Variants in CHD9 observed in about 807,000 individuals in gnomAD.
CHD9 encodes the protein chromodomain helicase DNA binding protein 9, also known as ATP-dependent chromatin remodeler CHD9.
A neutral mutation model predicts 316.1 loss-of-function variants in CHD9; 77 were observed. The observed-to-expected ratio is 0.24, with a 90% CI of 0.20 to 0.29. The LOEUF is 0.29. Ranked by LOEUF, CHD9 falls within the 10% of genes least tolerant of loss-of-function variation. The probability of loss-of-function intolerance (pLI) is 1.00; values close to 1 mark genes in which losing one functional copy is unlikely to be tolerated. For synonymous variants in CHD9, 1,129 were observed against 1,158.3 expected (o/e 0.97, Z 0.51); for missense variants, 2,763 against 3,438.1 (o/e 0.80, Z 4.91).
intron 1 of CHD9, among the ~76,000 whole-genome samples, chr16:53,125,667 G>C (rs2038940833): frequency 6.6e-6 from 1 of 152,168 alleles, no homozygotes; most frequent in Admixed American, 6.5e-5. Context: ...TGATGGCTTA[G>C]CTTTCAGTCA....
chr16:53,279,333 G>T (rs4332741), intron 24 of CHD9, among the ~76,000 whole-genome samples: 39,377 of 151,354 alleles, frequency 0.26, 5,152 homozygotes, highest in Middle Eastern at 0.29. Context: ...ACACAGGAAG[G>T]GGAACATCAC....
chr16:53,107,475 A>G (rs551462356), intron 1 of CHD9, among the ~76,000 whole-genome samples: 78 of 142,370 alleles, frequency 5.5e-4, no homozygotes, highest in African/African-American at 2.0e-3. Context: ...AAAATAAAAT[A>G]AAATAAAATA....
intron 3 of CHD9, among the ~76,000 whole-genome samples, chr16:53,212,641 G>A (rs62048058): frequency 0.28 from 42,320 of 151,964 alleles, 5,987 homozygotes; most frequent in Middle Eastern, 0.32. Flanking sequence ...CCTTTTCGGA[G>A]CACTTTCTTA....
rs2056124129 is a variant in CHD9 at position 53,307,856 on chromosome 16, C to G, written c.6956C>G (p.Pro2319Arg). ...AGCGATCCCAGTGTACCCACTCCCC[C>G]AGGTGCCGGTGTTAAAGAAGAACAT... ...EYSDPSVPTPPGAGVKEEHDQ... is the reference protein window; with the variant it reads ...EYSDPSVPTPRGAGVKEEHDQ... Residue 2319 changes from proline to arginine, a missense_variant, in exon 33 of 39, where the codon CCA becomes CGA. Physicochemically the swap from Pro to Arg is moderately radical, Grantham distance 103. This residue lies in a region of CHD9 where 663 missense variants were observed against 751.2 expected (regional missense o/e 0.88). Coordinates refer to ENST00000447540, the MANE Select transcript of CHD9 (RefSeq NM_001308319.2). The G allele has an allele frequency of 6.2e-7, 1 of 1,613,726 alleles. No individual in the cohort carries two copies. The highest frequency in any genetic ancestry group is 8.5e-7 in the Non-Finnish European group (1 of 1,179,838).
intron 22 of CHD9, among the ~76,000 whole-genome samples, chr16:53,271,332 G>A (rs1320745762): frequency 1.3e-5 from 2 of 152,144 alleles, no homozygotes; most frequent in Non-Finnish European, 2.9e-5. Context: ...ACTTTGGGAA[G>A]CTGAGGTGGC....
At chr16:53,280,311 G>A (rs1244196587) in intron 24 of CHD9, among the ~76,000 whole-genome samples, 1 of 151,850 alleles carries the variant, frequency 6.6e-6, no homozygotes, top group Admixed American at 6.6e-5. Context: ...AGAAACTGTG[G>A]TATATATGTA....
At chr16:53,104,005 G>A (rs1408972839) in intron 1 of CHD9, among the ~76,000 whole-genome samples, 1 of 152,100 alleles carries the variant, frequency 6.6e-6, no homozygotes, top group Non-Finnish European at 1.5e-5. Context: ...TGTTATAAAC[G>A]ACTTCATTGC....
chr16:53,226,613 C>T, intron 5 of CHD9, 101 bp downstream of exon 5: 1 of 1,252,170 alleles, frequency 8.0e-7, no homozygotes, highest in East Asian at 2.6e-5. Flanking sequence ...CTAACTTATC[C>T]TTCCGGATTC....
chr16:53,280,834 C>T lies in CHD9; in HGVS notation c.4968-4762C>T, dbSNP rs117126832. Among the ~76,000 whole-genome samples the T allele has an allele frequency of 8.3e-4, 127 of 152,276 alleles. No individual in the cohort carries two copies. In the East Asian group the frequency reaches 0.022, roughly 26 times the overall value. Reference sequence around the variant, plus strand: ...CCCATTCCAATGGATCTTTCTTCTTCGGGGTCTCACTAAAGTGGTTCTTAA... The same window carrying T: ...CCCATTCCAATGGATCTTTCTTCTTTGGGGTCTCACTAAAGTGGTTCTTAA... On this transcript the variant is annotated intron_variant, in intron 24 of 38. Transcript: ENST00000447540.
intron 3 of CHD9, among the ~76,000 whole-genome samples, chr16:53,218,726 G>A (rs1279807125): frequency 6.6e-6 from 1 of 151,984 alleles, no homozygotes; most frequent in Non-Finnish European, 1.5e-5. Context: ...ATCAAACATT[G>A]AAAAAATACC....
chr16:53,081,717 A>G (rs1239777956), intron 1 of CHD9, among the ~76,000 whole-genome samples: 3 of 152,084 alleles, frequency 2.0e-5, no homozygotes, highest in Non-Finnish European at 2.9e-5. Flanking sequence ...CCTCCCAAGT[A>G]GCTGGGACTA....
intron 2 of CHD9, among the ~76,000 whole-genome samples, chr16:53,163,543 A>G (rs1047422854): frequency 6.6e-6 from 1 of 152,182 alleles, no homozygotes; most frequent in African/African-American, 2.4e-5. Context: ...CAAAATTGAG[A>G]TCATATAGTT....
intron 11 of CHD9, among the ~76,000 whole-genome samples, chr16:53,236,286 A>ATGAC (rs1567533995): frequency 6.6e-6 from 1 of 152,032 alleles, no homozygotes; most frequent in Non-Finnish European, 1.5e-5. Flanking sequence ...CTCTCTGTAT[A>ATGAC]TGACTGCTTC....
At chr16:53,092,119 C>T (rs867259866) in intron 1 of CHD9, among the ~76,000 whole-genome samples, 1 of 152,176 alleles carries the variant, frequency 6.6e-6, no homozygotes, top group South Asian at 2.1e-4. Flanking sequence ...TACTTCCCCC[C>T]CAGCTGTGGA....
At chr16:53,303,579 TG>T in intron 30 of CHD9, 140 bp from the exon 31 acceptor site, 1 of 534,282 alleles carries the variant, frequency 1.9e-6, no homozygotes, top group Non-Finnish European at 2.9e-6. Flanking sequence ...AAAGAAATTC[TG>T]GAAACTATAC....
At chr16:53,096,127 G>A (rs1433222391) in intron 1 of CHD9, among the ~76,000 whole-genome samples, 1 of 151,066 alleles carries the variant, frequency 6.6e-6, no homozygotes, top group Non-Finnish European at 1.5e-5. Context: ...GCACAATCAT[G>A]GGTCACTGCA....
intron 11 of CHD9, among the ~76,000 whole-genome samples, chr16:53,236,465 AATCACTTATCCTTCTCTTTT>A (rs1478318025): frequency 1.3e-5 from 2 of 151,994 alleles, no homozygotes; most frequent in Non-Finnish European, 2.9e-5. Flanking sequence ...GCCTTACTTC[AATCACTTATCCTTCTCTTTT>A]ATATCTCCAG....
chr16:53,314,847 C>T lies in CHD9; in HGVS notation c.7387C>T (p.Gln2463Ter). 2 of 1,612,964 alleles carry T rather than the reference C, an allele frequency of 1.2e-6. No individual in the cohort carries two copies. Among genetic ancestry groups the T allele is most frequent in the Non-Finnish European group, 1.7e-6 (2 of 1,179,430 alleles). The change falls in exon 36 of 39, where the codon CAG becomes TAG. Residue 2463 changes from glutamine to a stop codon, truncating the protein, a stop_gained. Coordinates refer to ENST00000447540, the MANE Select transcript of CHD9 (RefSeq NM_001308319.2). LOFTEE classifies it high-confidence loss of function. ...GGTTTCTTTAGGCTTAACCTCCTCA[C>T]AGATTTCCACAGGGATAAATCCAGC... Reference protein sequence around the residue: ...NHVSLGLTSSQISTGINPALS... With the variant: ...NHVSLGLTSS
rs1222583469 is a variant in CHD9, at chr16:53,064,280, AGTTTCT to A, written c.-165+9207_-165+9212del. Among the ~76,000 whole-genome samples the A allele has an allele frequency of 2.0e-5, 3 of 152,220 alleles. No homozygotes were observed. The East Asian group carries it at 5.8e-4, about 29-fold the overall frequency. On this transcript the variant is annotated intron_variant, in intron 1 of 38. Coordinates refer to ENST00000447540, the MANE Select transcript of CHD9 (RefSeq NM_001308319.2). Reference sequence around the variant, plus strand: ...TTAAACATTGCCAGTTCCTTCTACTAGTTTCTGTTGCATGTTCTTGGCCTCTTCCCC... The same window carrying A: ...TTAAACATTGCCAGTTCCTTCTACTAGTTGCATGTTCTTGGCCTCTTCCCC...
Sources: allele counts gnomAD v4.1 joint callset (sites outside exome capture counted in the v4.1 genomes callset), GRCh38; gene constraint gnomAD v4.1.1; regional missense constraint gnomAD v4.1.1; transcripts MANE v1.5; gene names NCBI Gene and HGNC (gene_info 2026-07-23, HGNC 2026-07-21).